SUZ12: variants seen among roughly 807,000 people sequenced by gnomAD.
The protein encoded by SUZ12 is SUZ12 polycomb repressive complex 2 subunit.
In SUZ12, 17 loss-of-function variants were observed where a neutral mutation model predicts 87.3. The ratio of observed to expected loss-of-function variants is 0.19; its 90% CI spans 0.13 to 0.29. The LOEUF is 0.29. Among genes scored for constraint, SUZ12 ranks in the 10% least tolerant of loss-of-function variants. The pLI, the probability that SUZ12 is intolerant of heterozygous loss-of-function variation, is 1.00. For missense variants in SUZ12, 526 were observed against 912.2 expected (o/e 0.58, Z 5.45); for synonymous variants, 253 against 312.4 (o/e 0.81, Z 2.01).
chr17:31,955,951 G>A (rs1018846088), intron 4 of SUZ12, among the ~76,000 whole-genome samples: 13 of 151,508 alleles, frequency 8.6e-5, no homozygotes, highest in East Asian at 5.9e-4. Context: ...TCGCTCTGTC[G>A]CCCAGGCTGG....
At chr17:31,942,801 CA>C (rs1906386180) in intron 3 of SUZ12, among the ~76,000 whole-genome samples, 2 of 152,142 alleles carry the variant, frequency 1.3e-5, no homozygotes, top group African/African-American at 4.8e-5. Flanking sequence ...ACATAATTAT[CA>C]ATGCAAGTTT....
intron 6 of SUZ12, among the ~76,000 whole-genome samples, chr17:31,974,487 A>G (rs1908625893): frequency 6.6e-6 from 1 of 152,228 alleles, no homozygotes; most frequent in African/African-American, 2.4e-5. Flanking sequence ...AGATCGCACA[A>G]CTGCACTCCA....
chr17:31,988,474 C>T lies in SUZ12; in HGVS notation c.1178C>T (p.Ser393Leu), dbSNP rs1384992005. Residue 393 changes from serine (S) to leucine (L), a missense_variant, in exon 10 of 16, where the codon TCA (serine) becomes TTA (leucine). By Grantham distance (145) the Ser-to-Leu change is moderately radical (BLOSUM62 -2). Coordinates refer to ENST00000322652, the MANE Select transcript of SUZ12 (RefSeq NM_015355.4). ...ESLHQENKPGSVKPTQTIAVK... is the reference protein window; with the variant it reads ...ESLHQENKPGLVKPTQTIAVK... ...CTCCATCAGGAAAACAAGCCTGGTT[C>T]AGTTAAACCTACTCAAACTATTGGT... 6.2e-6 allele frequency: 10 copies of T among 1,600,660 alleles called. No individual in the cohort carries two copies. The highest frequency in any genetic ancestry group is 1.4e-5 in the African/African-American group (1 of 73,946).
At position 31,977,499 on chromosome 17, in the gene SUZ12, C is replaced by T. The variant is rs576899945; in HGVS notation, c.917+885C>T. ...TTCACCGTGTTAGCCAGAATGGTGTCGGTCTCCTCATCTCGTGATCCGCCT... is the reference window on the plus strand; with the variant it reads ...TTCACCGTGTTAGCCAGAATGGTGTTGGTCTCCTCATCTCGTGATCCGCCT... On this transcript the variant is annotated intron_variant, in intron 8 of 15. Transcript: ENST00000322652. Among the ~76,000 whole-genome samples the T allele has an allele frequency of 6.6e-5, 10 of 152,128 alleles. No individual in the cohort carries two copies. In the South Asian group the frequency reaches 8.3e-4, roughly 13 times the overall value.
chr17:31,946,172 C>T (rs985326558), intron 3 of SUZ12, among the ~76,000 whole-genome samples: 1 of 152,042 alleles, frequency 6.6e-6, no homozygotes. Context: ...GCTCTAATAT[C>T]AGTAGTTTAC....
chr17:31,996,713 AG>A, intron 14 of SUZ12, 84 bp from the exon 15 acceptor site: 1 of 895,178 alleles, frequency 1.1e-6, no homozygotes, highest in Non-Finnish European at 1.7e-6. Flanking sequence ...TTGTATTTTT[AG>A]TTCCAAAACA....
intron 8 of SUZ12, 90 bp downstream of exon 8, chr17:31,976,704 A>G (rs2142180681): frequency 2.1e-6 from 2 of 930,908 alleles, no homozygotes; most frequent in Admixed American, 6.0e-5. Context: ...TGATTATTTC[A>G]TTGCCTTTGT....
At chr17:31,979,683 A>G (rs1222454882) in intron 8 of SUZ12, among the ~76,000 whole-genome samples, 2 of 152,092 alleles carry the variant, frequency 1.3e-5, no homozygotes, top group African/African-American at 4.8e-5. Context: ...AAAAGGTAAT[A>G]TTAGGTTTGA....
chr17:31,937,124 C>T lies in SUZ12; in HGVS notation c.-123C>T. The T allele has an allele frequency of 1.2e-6, 1 of 826,322 alleles. No individual in the cohort carries two copies. The highest frequency in any genetic ancestry group is 1.7e-6 in the Non-Finnish European group (1 of 589,324). The allele number at this position is 826,322 out of a possible 1,614,324, so 51.2% of individuals were successfully genotyped here. On this transcript the variant is annotated 5_prime_UTR_variant, in exon 1 of 16. Transcript: ENST00000322652. The stretch of plus-strand genomic sequence containing the variant: ...CCTCCCTTCCCTTCCCCTCTCCTCC[C>T]CTCTCTCCTCCTTCCCCCCTCGGTC...
Position 31,945,188 on chromosome 17 carries a change from G to A in SUZ12, c.387-2429G>A, listed in dbSNP as rs566656679. On this transcript the variant is annotated intron_variant, in intron 3 of 15. Transcript: ENST00000322652. Reference sequence around the variant, plus strand: ...CAACTCATTTGCTGTTGTCTTCAGCGTAGTTGGTGACTTTGGAAGGTGGCA... The same window carrying A: ...CAACTCATTTGCTGTTGTCTTCAGCATAGTTGGTGACTTTGGAAGGTGGCA... Among the ~76,000 whole-genome samples, 456 of 152,146 alleles carry A rather than the reference G, an allele frequency of 3.0e-3. 3 individuals are homozygous for A. Among genetic ancestry groups the A allele is most frequent in the Non-Finnish European group, 5.8e-3 (392 of 68,010 alleles).
intron 4 of SUZ12, among the ~76,000 whole-genome samples, chr17:31,956,222 AT>A (rs1567818003): frequency 6.6e-6 from 1 of 150,778 alleles, no homozygotes; most frequent in Non-Finnish European, 1.5e-5. Context: ...CAGTATTACT[AT>A]TTTTTTGAGA....
At chr17:31,966,274 A>C in intron 5 of SUZ12, 78 bp downstream of exon 5, 2 of 1,193,598 alleles carry the variant, frequency 1.7e-6, no homozygotes, top group Middle Eastern at 2.3e-4. Flanking sequence ...GGGGCTTCTG[A>C]GTGTAAATTT....
At chr17:31,983,274 CTTTTT>C (rs10681815) in intron 9 of SUZ12, among the ~76,000 whole-genome samples, 170 bp downstream of exon 9, 3 of 118,192 alleles carry the variant, frequency 2.5e-5, no homozygotes, top group Admixed American at 8.9e-5. Flanking sequence ...AGGTATCATT[CTTTTT>C]TTTTTTTTTT....
intron 4 of SUZ12, among the ~76,000 whole-genome samples, chr17:31,964,934 A>G (rs998975008): frequency 1.3e-5 from 2 of 151,970 alleles, no homozygotes; most frequent in Non-Finnish European, 2.9e-5. Context: ...GTGAGCCAAG[A>G]TTGCGCCATT....
At chr17:31,941,850 G>C (rs1041508681) in intron 3 of SUZ12, among the ~76,000 whole-genome samples, 1 of 145,916 alleles carries the variant, frequency 6.9e-6, no homozygotes, top group African/African-American at 2.6e-5. Context: ...TGCCCAGCCT[G>C]ACCTTCTTTT....
chr17:31,952,061 A>T (rs534542623), intron 4 of SUZ12, among the ~76,000 whole-genome samples: 2 of 151,842 alleles, frequency 1.3e-5, no homozygotes, highest in African/African-American at 4.8e-5. Flanking sequence ...AGGCTGAGCC[A>T]CTGCGCCCAG....
At chr17:31,944,830 CA>C (rs1906523008) in intron 3 of SUZ12, among the ~76,000 whole-genome samples, 1 of 152,036 alleles carries the variant, frequency 6.6e-6, no homozygotes, top group African/African-American at 2.4e-5. Context: ...TTGAGCGTAT[CA>C]AGTGAACAAG....
intron 1 of SUZ12, among the ~76,000 whole-genome samples, chr17:31,939,464 A>G (rs1414344128): frequency 2.6e-5 from 4 of 151,754 alleles, no homozygotes; most frequent in East Asian, 3.9e-4. Flanking sequence ...CTGGATCTGT[A>G]TTAGGATGTC....
chr17:31,964,777 C>A (rs1176144152), intron 4 of SUZ12, among the ~76,000 whole-genome samples: 1 of 152,084 alleles, frequency 6.6e-6, no homozygotes, highest in African/African-American at 2.4e-5. Flanking sequence ...CCCCATCTTC[C>A]ATGGAAATGT....
Sources: gnomAD v4.1 joint callset for allele counts (sites outside exome capture counted in the v4.1 genomes callset) on GRCh38, gnomAD v4.1.1 for gene constraint, MANE v1.5 for transcripts, NCBI Gene and HGNC (gene_info 2026-07-23, HGNC 2026-07-21) for gene names.